PCDHGA12: variants seen among roughly 807,000 people sequenced by gnomAD.
PCDHGA12 encodes protocadherin gamma-A12.
Under a neutral mutation model 61.1 loss-of-function variants are expected in PCDHGA12, and 43 were observed. The ratio of observed to expected loss-of-function variants is 0.70; its 90% CI spans 0.55 to 0.91. PCDHGA12 has a LOEUF of 0.91. Among genes scored for constraint, PCDHGA12 ranks in the 40% least tolerant of loss-of-function variants. PCDHGA12 has a pLI of 0.00. For synonymous variants in PCDHGA12, 520 were observed against 542.9 expected (o/e 0.96, Z 0.59); for missense variants, 1,236 against 1,227.7 (o/e 1.01, Z -0.10).
In PCDHGA12 at chr5:141,510,989, C is replaced by A. The variant is rs2099883548; in HGVS notation, c.2615C>A (p.Thr872Asn). The A allele has an allele frequency of 1.2e-6, 2 of 1,614,198 alleles. No homozygotes were observed. The highest frequency in any genetic ancestry group is 1.7e-6 in the Non-Finnish European group (2 of 1,180,022). ...TCCACCCTGGGAGGGGGTGCCGGCA[C>A]CATGGGATTGAGCGCCCGCTACGGA... is the stretch of plus-strand genomic sequence containing the variant. ...GSSTLGGGAG[T>N]MGLSARYGPQ... Residue 872 changes from threonine to asparagine, a missense_variant, in exon 4 of 4, where the codon ACC becomes AAC. Thr to Asn is a moderately conservative substitution (Grantham distance 65, BLOSUM62 0). Transcript: ENST00000252085.
At position 141,433,129 on chromosome 5, in the gene PCDHGA12, C is replaced by T; in HGVS notation, c.2370C>T (p.Pro790=). 6.2e-7 allele frequency: 1 copy of T among 1,614,130 alleles called. No homozygotes were observed. Among genetic ancestry groups the T allele is most frequent in the Non-Finnish European group, 8.5e-7 (1 of 1,180,016 alleles). ...VSQESFEKSE[P]LLLSGDSVFS... ...AGGAGAGCTTTGAAAAAAGCGAGCC[C>T]CTTTTGCTGTCAGGTGATTCGGTAT... The change falls in exon 1 of 4, where the codon CCC becomes CCT. Residue 790 remains proline (P), a synonymous_variant. Coordinates refer to ENST00000252085, the MANE Select transcript of PCDHGA12 (RefSeq NM_003735.3).
chr5:141,510,802 C>T (rs1358684730), intron 3 of PCDHGA12, 145 bp from the exon 4 acceptor site: 1 of 1,497,192 alleles, frequency 6.7e-7, no homozygotes, highest in African/African-American at 1.4e-5. Context: ...AGAGAGACTA[C>T]CTTGGTGACC....
rs144585584 is a variant in PCDHGA12 at position 141,478,339 on chromosome 5, C to T, written c.2425-16468C>T. 998 of 1,613,918 alleles carry T rather than the reference C, an allele frequency of 6.2e-4. 16 individuals carry two copies. In the East Asian group the frequency reaches 0.019, roughly 31 times the overall value. Reference sequence around the variant, plus strand: ...CACTGTACCGAACACCAGGGCCCTCCTTGCACGCGGACGCCGTGCGGGGAG... The same window carrying T: ...CACTGTACCGAACACCAGGGCCCTCTTTGCACGCGGACGCCGTGCGGGGAG... On this transcript the variant is annotated intron_variant, in intron 1 of 3. Transcript: ENST00000252085.
intron 1 of PCDHGA12, chr5:141,478,623 G>GT (rs1337268572): frequency 1.3e-5 from 20 of 1,554,356 alleles, no homozygotes; most frequent in Admixed American, 3.9e-5. Flanking sequence ...GAATGGAGCT[G>GT]TTTTTTTAGT....
Position 141,491,652 on chromosome 5 carries a change from G to T in PCDHGA12, c.2425-3155G>T. ...AGCAGCCCACAGCTCTGGCGCTGGA[G>T]CCTGACGCCATCCGGTCCCGCTCTA... On this transcript the variant is annotated intron_variant, in intron 1 of 3. Transcript: ENST00000252085. The surrounding 1 kb of genome is among the most constrained non-coding windows in gnomAD (Gnocchi z 6.9). The T allele has an allele frequency of 6.2e-7, 1 of 1,613,844 alleles. No homozygotes were observed.
chr5:141,435,718 G>T (rs2097776232), intron 1 of PCDHGA12, among the ~76,000 whole-genome samples: 1 of 152,150 alleles, frequency 6.6e-6, no homozygotes, highest in African/African-American at 2.4e-5. Context: ...GACACTGAAT[G>T]CTAAAGTGTA....
chr5:141,477,175 A>T lies in PCDHGA12; in HGVS notation c.2425-17632A>T, dbSNP rs1338347224. On this transcript the variant is annotated intron_variant, in intron 1 of 3. Transcript: ENST00000252085. This position sits in a 1 kb window ranked among gnomAD's most constrained non-coding sequence, Gnocchi z 4.9. ...TGAATGACAACGCCCCGGAGATCAC[A>T]GTCACCTCCGTGTACAGCCCAGTAC... is the stretch of plus-strand genomic sequence containing the variant. The T allele has an allele frequency of 1.2e-6, 2 of 1,614,186 alleles. No individual in the cohort carries two copies. The highest frequency in any genetic ancestry group is 3.3e-5 in the Admixed American group (2 of 60,028).
chr5:141,485,454 C>T lies in PCDHGA12; in HGVS notation c.2425-9353C>T. On this transcript the variant is annotated intron_variant, in intron 1 of 3. Transcript: ENST00000252085. This position sits in a 1 kb window ranked among gnomAD's most constrained non-coding sequence, Gnocchi z 5.7. Reference sequence around the variant, plus strand: ...ATCAAGAACCCAATCGACCGAGAGGCACTGTGTGGGCTCAGTGCCAGCTGC... The same window carrying T: ...ATCAAGAACCCAATCGACCGAGAGGTACTGTGTGGGCTCAGTGCCAGCTGC... The T allele has an allele frequency of 6.2e-7, 1 of 1,614,162 alleles. No homozygotes were observed. Among genetic ancestry groups the T allele is most frequent in the East Asian group, 2.2e-5 (1 of 44,868 alleles).
Position 141,485,715 on chromosome 5 carries a change from A to G in PCDHGA12, c.2425-9092A>G. The G allele has an allele frequency of 6.2e-7, 1 of 1,614,114 alleles. No homozygotes were observed. Among genetic ancestry groups the G allele is most frequent in the Non-Finnish European group, 8.5e-7 (1 of 1,180,012 alleles). On this transcript the variant is annotated intron_variant, in intron 1 of 3. Transcript: ENST00000252085. The surrounding 1 kb of genome is among the most constrained non-coding windows in gnomAD (Gnocchi z 5.7). ...AGCTCCAATGAACACTTTGCACTGGATGTGAAGAAGCGCAGCGACGGCAGC... is the reference window on the plus strand; with the variant it reads ...AGCTCCAATGAACACTTTGCACTGGGTGTGAAGAAGCGCAGCGACGGCAGC...
intron 1 of PCDHGA12, chr5:141,442,112 C>CTCG (rs2098300474): frequency 6.0e-6 from 1 of 166,158 alleles, no homozygotes; most frequent in Admixed American, 6.5e-5. Context: ...ACTACCGCCC[C>CTCG]TCGTCGCCGA....
intron 2 of PCDHGA12, among the ~76,000 whole-genome samples, chr5:141,497,879 G>T (rs62379207): frequency 2.0e-5 from 3 of 152,128 alleles, no homozygotes; most frequent in Admixed American, 6.5e-5. Flanking sequence ...TGAAATAAGC[G>T]TTAGGATCTA....
Position 141,490,618 on chromosome 5 carries a change from A to C in PCDHGA12, c.2425-4189A>C. The C allele has an allele frequency of 6.2e-7, 1 of 1,614,104 alleles. No homozygotes were observed. Among genetic ancestry groups the C allele is most frequent in the South Asian group, 1.1e-5 (1 of 91,080 alleles). ...ACCCCGCTTCAACCAGCAGCTTTAC[A>C]CTGCTTACATCCTAGAAAACCGGCC... On this transcript the variant is annotated intron_variant, in intron 1 of 3. Coordinates refer to ENST00000252085, the MANE Select transcript of PCDHGA12 (RefSeq NM_003735.3). This position sits in a 1 kb window ranked among gnomAD's most constrained non-coding sequence, Gnocchi z 5.4.
chr5:141,501,636 C>T (rs2099810310), intron 2 of PCDHGA12, among the ~76,000 whole-genome samples: 1 of 152,130 alleles, frequency 6.6e-6, no homozygotes, highest in South Asian at 2.1e-4. Flanking sequence ...CTCAACCTCT[C>T]TGAGCCCTGT....
At chr5:141,495,923 T>G (rs1337381299) in intron 2 of PCDHGA12, among the ~76,000 whole-genome samples, 4 of 152,306 alleles carry the variant, frequency 2.6e-5, no homozygotes, top group South Asian at 2.1e-4. Context: ...TTTCTTTGTC[T>G]CTGTCTCTGG....
Position 141,486,177 on chromosome 5 carries a change from G to A in PCDHGA12, c.2425-8630G>A. The A allele has an allele frequency of 6.2e-7, 1 of 1,614,222 alleles. No individual in the cohort carries two copies. Among genetic ancestry groups the A allele is most frequent in the Non-Finnish European group, 8.5e-7 (1 of 1,180,042 alleles). ...TCTCCAGCCATGGAGCAACATTGCA[G>A]CCTTCGAGTGGATCTGCTGGACGTA... On this transcript the variant is annotated intron_variant, in intron 1 of 3. Coordinates refer to ENST00000252085, the MANE Select transcript of PCDHGA12 (RefSeq NM_003735.3). The surrounding 1 kb of genome is among the most constrained non-coding windows in gnomAD (Gnocchi z 5.0).
intron 1 of PCDHGA12, among the ~76,000 whole-genome samples, chr5:141,445,489 G>A (rs934531418): frequency 7.2e-5 from 11 of 152,188 alleles, no homozygotes; most frequent in Non-Finnish European, 1.3e-4. Context: ...GAGTTAATGG[G>A]CCCTATTCTA....
chr5:141,488,312 A>G lies in PCDHGA12; in HGVS notation c.2425-6495A>G, dbSNP rs952247975. 7.9e-5 allele frequency among the ~76,000 whole-genome samples: 12 copies of G among 152,286 alleles called. 1 individual carries two copies. Among genetic ancestry groups the G allele is most frequent in the African/African-American group, 2.9e-4 (12 of 41,558 alleles). On this transcript the variant is annotated intron_variant, in intron 1 of 3. Coordinates refer to ENST00000252085, the MANE Select transcript of PCDHGA12 (RefSeq NM_003735.3). ...AGTAAGTGAAATCACTTATGTCAGA[A>G]AACTGGTTTACAGTTGGCTGATTCA...
rs773624580 is a variant in PCDHGA12 at position 141,489,715 on chromosome 5, G to A, written c.2425-5092G>A. On this transcript the variant is annotated intron_variant, in intron 1 of 3. Transcript: ENST00000252085. The surrounding 1 kb of genome is among the most constrained non-coding windows in gnomAD (Gnocchi z 4.5). ...ACGATTCCCACTGGACAGTGCCCAG[G>A]ATCCGGATGTGGGCACCAATACTGT... The A allele has an allele frequency of 6.2e-6, 10 of 1,614,004 alleles. No homozygotes were observed. The highest frequency in any genetic ancestry group is 2.2e-5 in the East Asian group (1 of 44,886).
Position 141,431,818 on chromosome 5 carries a change from C to T in PCDHGA12, c.1059C>T (p.Ala353=), listed in dbSNP as rs201311339. Residue 353 remains alanine (A), a synonymous_variant, in exon 1 of 4, where the codon GCC becomes GCT. Coordinates refer to ENST00000252085, the MANE Select transcript of PCDHGA12 (RefSeq NM_003735.3). This position sits in a 1 kb window ranked among gnomAD's most constrained non-coding sequence, Gnocchi z 4.8. The part of the protein sequence containing the change: ...NAPEVVLTSL[A]SSVPENSPRG... ...CAGAAGTGGTCCTCACCTCTCTCGCCAGCTCGGTTCCCGAAAACTCTCCCA... is the reference window on the plus strand; with the variant it reads ...CAGAAGTGGTCCTCACCTCTCTCGCTAGCTCGGTTCCCGAAAACTCTCCCA... 130 of 1,614,122 alleles carry T rather than the reference C, an allele frequency of 8.1e-5. No homozygotes were observed. Among genetic ancestry groups the T allele is most frequent in the Non-Finnish European group, 1.0e-4 (121 of 1,180,040 alleles).
Sources: gnomAD v4.1 joint callset for allele counts (sites outside exome capture counted in the v4.1 genomes callset) on GRCh38, gnomAD v4.1.1 for gene constraint, Gnocchi (gnomAD v3.1) non-coding constraint, MANE v1.5 for transcripts, NCBI Gene and HGNC (gene_info 2026-07-23, HGNC 2026-07-21) for gene names.